Variants in ECPAS observed in about 807,000 individuals in gnomAD.
The protein encoded by ECPAS is Ecm29 proteasome adaptor and scaffold.
ECPAS carries 70 observed loss-of-function variants against 255.1 expected under a neutral mutation model. The ratio of observed to expected loss-of-function variants is 0.27; its 90% CI spans 0.23 to 0.33. The LOEUF is 0.33. ECPAS is among the 10% of genes least tolerant of loss of function. The probability of loss-of-function intolerance (pLI) is 1.00; values close to 1 mark genes in which losing one functional copy is unlikely to be tolerated. For synonymous variants in ECPAS, 784 were observed against 775.0 expected (o/e 1.01, Z -0.19); for missense variants, 1,817 against 2,206.4 (o/e 0.82, Z 3.54).
chr9:111,459,854 T>G (rs2098271146), intron 2 of ECPAS, among the ~76,000 whole-genome samples: 1 of 152,188 alleles, frequency 6.6e-6, no homozygotes, highest in East Asian at 1.9e-4. Context: ...CCTTATGAAT[T>G]CGCTGGTAAA....
At chr9:111,468,191 G>A (rs1001718439) in intron 2 of ECPAS, among the ~76,000 whole-genome samples, 4 of 152,008 alleles carry the variant, frequency 2.6e-5, no homozygotes, top group Non-Finnish European at 4.4e-5. Context: ...TGAACCCAGA[G>A]AGGGCTTTAC....
At chr9:111,447,369 C>A (rs1448634461) in intron 3 of ECPAS, among the ~76,000 whole-genome samples, 1 of 152,092 alleles carries the variant, frequency 6.6e-6, no homozygotes. Context: ...CCTCAGCCTC[C>A]CAGAGTGCTG....
intron 18 of ECPAS, among the ~76,000 whole-genome samples, chr9:111,415,589 T>C (rs1218943602): frequency 2.0e-5 from 3 of 151,738 alleles, no homozygotes; most frequent in Non-Finnish European, 4.4e-5. Context: ...TAGTCATGGC[T>C]ACTCAGGAGA....
chr9:111,395,062 C>T (rs1051139430), intron 25 of ECPAS, among the ~76,000 whole-genome samples: 3 of 152,152 alleles, frequency 2.0e-5, no homozygotes, highest in Admixed American at 1.3e-4. Flanking sequence ...TCACTTTAGT[C>T]GATCTATTGG....
chr9:111,448,874 A>G (rs746291291), intron 3 of ECPAS, among the ~76,000 whole-genome samples: 1 of 152,260 alleles, frequency 6.6e-6, no homozygotes, highest in Non-Finnish European at 1.5e-5. Context: ...ACTATTACAT[A>G]TAACTAAAAT....
At chr9:111,366,754 AG>A in intron 46 of ECPAS, 127 bp from the exon 47 acceptor site, 1 of 630,860 alleles carries the variant, frequency 1.6e-6, no homozygotes, top group South Asian at 1.9e-5. Context: ...GAAGGTGGGG[AG>A]GATAAGAGAG....
intron 2 of ECPAS, among the ~76,000 whole-genome samples, chr9:111,465,272 G>GCT (rs1204633297): frequency 2.6e-5 from 4 of 152,080 alleles, no homozygotes; most frequent in African/African-American, 9.7e-5. Context: ...GGGCACAGTG[G>GCT]CTCATGCCTG....
intron 7 of ECPAS, among the ~76,000 whole-genome samples, chr9:111,435,754 A>G (rs1428907092): frequency 7.6e-5 from 11 of 144,822 alleles, no homozygotes; most frequent in Non-Finnish European, 1.5e-5. Flanking sequence ...ATCTCGGCGC[A>G]CTGCAAGCTC....
chr9:111,458,013 TAC>T (rs1385503691), intron 2 of ECPAS, among the ~76,000 whole-genome samples: 2 of 152,206 alleles, frequency 1.3e-5, no homozygotes, highest in Admixed American at 6.5e-5. Context: ...TGCATATACA[TAC>T]ACACATGAGA....
chr9:111,409,287 GGT>G (rs1253970543), intron 23 of ECPAS, among the ~76,000 whole-genome samples: 3 of 152,156 alleles, frequency 2.0e-5, no homozygotes, highest in Non-Finnish European at 2.9e-5. Flanking sequence ...GGCCAGGCTC[GGT>G]GGCTCAAGCC....
At chr9:111,442,259 T>C in intron 5 of ECPAS, 47 bp downstream of exon 5, 2 of 1,222,494 alleles carry the variant, frequency 1.6e-6, no homozygotes, top group Non-Finnish European at 2.3e-6. Context: ...TGAAAGGCAG[T>C]TGTTGACTCC....
intron 10 of ECPAS, among the ~76,000 whole-genome samples, chr9:111,427,840 A>G (rs1320602027): frequency 1.3e-5 from 2 of 152,354 alleles, no homozygotes; most frequent in South Asian, 4.1e-4. Flanking sequence ...TTTTCTAATT[A>G]GAGATGCTCA....
chr9:111,424,496 G>C (rs1248105154), intron 12 of ECPAS, among the ~76,000 whole-genome samples: 1 of 152,126 alleles, frequency 6.6e-6, no homozygotes, highest in East Asian at 1.9e-4. Flanking sequence ...TAATGCTAAT[G>C]AATTCTTGAA....
Position 111,397,013 on chromosome 9 carries a change from A to G in ECPAS, c.2776+17T>C, listed in dbSNP as rs2098168576. The G allele has an allele frequency of 6.2e-7, 1 of 1,613,690 alleles. No individual in the cohort carries two copies. The highest frequency in any genetic ancestry group is 2.2e-5 in the East Asian group (1 of 44,896). The stretch of plus-strand genomic sequence containing the variant: ...GTTACTTGATCATTATAAATCGATT[A>G]GCTGAATATTTGGTACCAGCAGGTG... On this transcript the variant is annotated intron_variant, in intron 25 of 49. Transcript: ENST00000684092.
chr9:111,476,315 T>C (rs2132108364), intron 1 of ECPAS, among the ~76,000 whole-genome samples: 1 of 152,298 alleles, frequency 6.6e-6, no homozygotes, highest in East Asian at 1.9e-4. Context: ...ACTCCTGAAA[T>C]ATTAACTATA....
chr9:111,484,256 G>A lies in ECPAS; in HGVS notation c.-223C>T. The A allele has an allele frequency of 6.0e-6, 9 of 1,493,000 alleles. No individual in the cohort carries two copies. The highest frequency in any genetic ancestry group is 6.2e-6 in the Non-Finnish European group (7 of 1,125,882). The allele number at this position is 1,493,000 out of a possible 1,614,324, so 92.5% of individuals were successfully genotyped here. ...GAGGGGCTGGGCCGAGCGGGCCCGG[G>A]CTGCCCTAGCGGCCGGGGGAAATCC... On this transcript the variant is annotated 5_prime_UTR_variant, in exon 1 of 50. Transcript: ENST00000684092.
chr9:111,466,374 G>A (rs999096679), intron 2 of ECPAS, among the ~76,000 whole-genome samples: 2 of 152,032 alleles, frequency 1.3e-5, no homozygotes, highest in African/African-American at 4.8e-5. Context: ...GAACCCGGGA[G>A]GTAGAGGTTG....
Position 111,386,601 on chromosome 9 carries a change from C to G in ECPAS, c.3448-145G>C, listed in dbSNP as rs189505678. 5.4e-4 allele frequency: 333 copies of G among 611,368 alleles called. 1 individual carries two copies. In the African/African-American group the frequency reaches 5.9e-3, roughly 11 times the overall value. 37.9% of individuals were successfully genotyped at this position (611,368 alleles called of 1,614,324 possible). A position where few individuals can be genotyped will look rare whatever the true frequency, so the allele number is the denominator to read the frequency against. On this transcript the variant is annotated intron_variant, in intron 31 of 49. Transcript: ENST00000684092. Reference sequence around the variant, plus strand: ...GGCCTCCATGTCTCTCTAGGCCACTCAGCCCACAAATCTCTTCCCACTTTG... The same window carrying G: ...GGCCTCCATGTCTCTCTAGGCCACTGAGCCCACAAATCTCTTCCCACTTTG...
intron 20 of ECPAS, among the ~76,000 whole-genome samples, chr9:111,413,609 C>A (rs1333381622): frequency 6.6e-6 from 1 of 151,272 alleles, no homozygotes; most frequent in Admixed American, 6.6e-5. Context: ...TTTATTTAAA[C>A]TACACAAATC....
Sources: gnomAD v4.1 joint callset for allele counts (sites outside exome capture counted in the v4.1 genomes callset) on GRCh38, gnomAD v4.1.1 for gene constraint, MANE v1.5 for transcripts, NCBI Gene and HGNC (gene_info 2026-07-23, HGNC 2026-07-21) for gene names.